Variants in PNO1 observed in about 807,000 individuals in gnomAD.
PNO1 encodes the protein RNA-binding protein PNO1.
A neutral mutation model predicts 28.4 loss-of-function variants in PNO1; 16 were observed. The ratio of observed to expected loss-of-function variants is 0.56; its 90% CI spans 0.38 to 0.85. The LOEUF (loss-of-function observed/expected upper bound fraction) is 0.85. Ranked by LOEUF, PNO1 falls within the 40% of genes least tolerant of loss-of-function variation. PNO1 has a pLI of 0.00. For synonymous variants in PNO1, 115 were observed against 110.8 expected (o/e 1.04, Z -0.24); for missense variants, 304 against 312.2 (o/e 0.97, Z 0.20).
chr2:68,161,302 G>A (rs1207673785), intron 2 of PNO1: 2 of 473,926 alleles, frequency 4.2e-6, no homozygotes, highest in Non-Finnish European at 8.7e-6. Flanking sequence ...AGGAATCCCA[G>A]GGAAGACTGC....
At position 68,175,131 on chromosome 2, in the gene PNO1, A is replaced by G. The variant is rs1183352636; in HGVS notation, c.*329A>G. The G allele has an allele frequency of 5.6e-6, 1 of 179,452 alleles. No homozygotes were observed. Among genetic ancestry groups the G allele is most frequent in the Non-Finnish European group, 1.2e-5 (1 of 86,394 alleles). 11.1% of individuals were successfully genotyped at this position (179,452 alleles called of 1,614,324 possible). On this transcript the variant is annotated 3_prime_UTR_variant, in exon 7 of 7. Transcript: ENST00000263657. The stretch of plus-strand genomic sequence containing the variant: ...TGTTTAAACAGCTCTATATGGATTT[A>G]TACTTTTATATTTATAAATTTATAA...
At position 68,157,917 on chromosome 2, in the gene PNO1, G is replaced by A. The variant is rs1045510910; in HGVS notation, c.-18G>A. 1.6e-5 allele frequency: 25 copies of A among 1,610,768 alleles called. No homozygotes were observed. Among genetic ancestry groups the A allele is most frequent in the Non-Finnish European group, 2.0e-5 (24 of 1,177,532 alleles). On this transcript the variant is annotated 5_prime_UTR_variant, in exon 1 of 7. Coordinates refer to ENST00000263657, the MANE Select transcript of PNO1 (RefSeq NM_020143.4). ...CTGCGCACGTGTTTCAGCCGGCAGC[G>A]CTTTAAGATTTCCGGGGATGGAATC...
intron 5 of PNO1, among the ~76,000 whole-genome samples, chr2:68,167,287 C>G (rs1674019359): frequency 6.6e-6 from 1 of 152,120 alleles, no homozygotes; most frequent in Admixed American, 6.5e-5. Context: ...CGGTATTGAA[C>G]TCATGGGGTT....
At chr2:68,168,688 T>C (rs928090975) in intron 5 of PNO1, among the ~76,000 whole-genome samples, 1 of 152,228 alleles carries the variant, frequency 6.6e-6, no homozygotes, top group African/African-American at 2.4e-5. Context: ...CCACAGTCTG[T>C]TCTGTCTTGC....
intron 2 of PNO1, 111 bp from the exon 3 acceptor site, chr2:68,161,572 G>C: frequency 1.4e-6 from 1 of 703,980 alleles, no homozygotes; most frequent in East Asian, 2.7e-5. Flanking sequence ...AGGGAAAGGT[G>C]GTGGTGAAGG....
intron 2 of PNO1, chr2:68,161,129 T>G: frequency 2.2e-6 from 1 of 459,550 alleles, no homozygotes; most frequent in Non-Finnish European, 4.5e-6. Flanking sequence ...GGTAGGCTTT[T>G]TATGAATAAC....
chr2:68,171,201 C>T (rs753047143), intron 5 of PNO1, among the ~76,000 whole-genome samples: 23 of 152,196 alleles, frequency 1.5e-4, no homozygotes, highest in African/African-American at 2.7e-4. Context: ...TCTTCATTTT[C>T]GTCGTACTAA....
At chr2:68,161,329 A>C (rs570276967) in intron 2 of PNO1, 1 of 476,942 alleles carries the variant, frequency 2.1e-6, no homozygotes, top group South Asian at 1.6e-5. Flanking sequence ...AGAGAAGAGA[A>C]GAGGACATTG....
rs146680868 is a variant in PNO1, at chr2:68,168,009, T to C, written c.621-5338T>C. Among the ~76,000 whole-genome samples, 157 of 152,256 alleles carry C rather than the reference T, an allele frequency of 1.0e-3. 1 individual carries two copies. Among genetic ancestry groups the C allele is most frequent in the African/African-American group, 3.4e-3 (141 of 41,542 alleles). ...GAAAAGAATCACAAGATCTATAAAT[T>C]TGGAGAGGAAACTTTATTTCTTAGA... On this transcript the variant is annotated intron_variant, in intron 5 of 6. Coordinates refer to ENST00000263657, the MANE Select transcript of PNO1 (RefSeq NM_020143.4).
chr2:68,162,578 G>A lies in PNO1; in HGVS notation c.535G>A (p.Ala179Thr), dbSNP rs751443723. 1 of 1,613,640 alleles carries A rather than the reference G, an allele frequency of 6.2e-7. No individual in the cohort carries two copies. Among genetic ancestry groups the A allele is most frequent in the Admixed American group, 1.7e-5 (1 of 60,012 alleles). ...KPLKGDHLSR[A>T]IGRIAGKGGK... Reference sequence around the variant, plus strand: ...CCTAAAGGGAGACCATCTATCCAGGGCAATAGGAAGAATCGCTGGCAAAGG... The same window carrying A: ...CCTAAAGGGAGACCATCTATCCAGGACAATAGGAAGAATCGCTGGCAAAGG... Residue 179 changes from alanine to threonine, a missense_variant, in exon 5 of 7, where the codon GCA (alanine) becomes ACA (threonine). Coordinates refer to ENST00000263657, the MANE Select transcript of PNO1 (RefSeq NM_020143.4).
chr2:68,162,356 C>A, intron 4 of PNO1, 31 bp downstream of exon 4: 4 of 1,552,858 alleles, frequency 2.6e-6, no homozygotes, highest in South Asian at 2.3e-5. Flanking sequence ...GCTCTTGTGT[C>A]GCTGACTTTG....
chr2:68,165,552 A>AC (rs1469130419), intron 5 of PNO1, among the ~76,000 whole-genome samples: 1 of 148,688 alleles, frequency 6.7e-6, no homozygotes, highest in Non-Finnish European at 1.5e-5. Context: ...TCTCAAAAAA[A>AC]AAAAAAAAAA....
chr2:68,161,139 C>T, intron 2 of PNO1: 1 of 463,250 alleles, frequency 2.2e-6, no homozygotes, highest in South Asian at 1.6e-5. Flanking sequence ...TTATGAATAA[C>T]AGTTATTTCT....
At chr2:68,160,620 T>C (rs1357492793) in intron 2 of PNO1, among the ~76,000 whole-genome samples, 1 of 152,254 alleles carries the variant, frequency 6.6e-6, no homozygotes, top group Non-Finnish European at 1.5e-5. Flanking sequence ...TACACCATGC[T>C]CTACATCATT....
chr2:68,167,806 G>A (rs1471891546), intron 5 of PNO1, among the ~76,000 whole-genome samples: 1 of 152,076 alleles, frequency 6.6e-6, no homozygotes, highest in Admixed American at 6.6e-5. Context: ...TAACATTATC[G>A]AAGCATCCTT....
chr2:68,161,664 CTTTTTTG>C lies in PNO1; in HGVS notation c.358-12_358-6del, dbSNP rs1558618320. On this transcript the variant is annotated splice_polypyrimidine_tract_variant and intron_variant, in intron 2 of 6. Transcript: ENST00000263657. ...TTGATTCTCAACGGTATTTTGTACC[CTTTTTTG>C]TTTTTTAACAGACTTGTAAAGAAAC... The C allele has an allele frequency of 6.7e-7, 1 of 1,489,100 alleles. No homozygotes were observed. The highest frequency in any genetic ancestry group is 1.1e-5 in the South Asian group (1 of 87,156). 92.2% of individuals were successfully genotyped at this position (1,489,100 alleles called of 1,614,324 possible). A position where few individuals can be genotyped will look rare whatever the true frequency, so the allele number is the denominator to read the frequency against.
At chr2:68,160,323 A>G (rs1186941068) in intron 2 of PNO1, among the ~76,000 whole-genome samples, 2 of 152,172 alleles carry the variant, frequency 1.3e-5, no homozygotes, top group Non-Finnish European at 2.9e-5. Context: ...CTCAGTCACA[A>G]GTTTGTCTCT....
At chr2:68,165,579 T>C (rs973228783) in intron 5 of PNO1, among the ~76,000 whole-genome samples, 1 of 138,056 alleles carries the variant, frequency 7.2e-6, no homozygotes, top group East Asian at 2.1e-4. Context: ...CTGGGCATGG[T>C]GCCTCACACC....
At chr2:68,169,246 T>C (rs1674067494) in intron 5 of PNO1, among the ~76,000 whole-genome samples, 1 of 152,094 alleles carries the variant, frequency 6.6e-6, no homozygotes, top group Non-Finnish European at 1.5e-5. Flanking sequence ...CTTTTTCTTG[T>C]ACTGTCATGA....
Sources: gnomAD v4.1 joint callset for allele counts (sites outside exome capture counted in the v4.1 genomes callset) on GRCh38, gnomAD v4.1.1 for gene constraint, MANE v1.5 for transcripts, NCBI Gene and HGNC (gene_info 2026-07-23, HGNC 2026-07-21) for gene names.